USP6NL: variants seen among roughly 807,000 people sequenced by gnomAD.
The protein encoded by USP6NL is USP6 N-terminal-like protein.
A neutral mutation model predicts 61.9 loss-of-function variants in USP6NL; 26 were observed. The ratio of observed to expected loss-of-function variants is 0.42; its 90% CI spans 0.31 to 0.58. The LOEUF (loss-of-function observed/expected upper bound fraction) is 0.58. Among genes scored for constraint, USP6NL ranks in the 20% least tolerant of loss-of-function variants. The pLI, the probability that USP6NL is intolerant of heterozygous loss-of-function variation, is 0.16. For synonymous variants in USP6NL, 432 were observed against 390.1 expected (o/e 1.11, Z -1.27); for missense variants, 1,114 against 1,034.3 (o/e 1.08, Z -1.06).
At position 11,574,857 on chromosome 10, in the gene USP6NL, C is replaced by T. The variant is rs1010931696; in HGVS notation, c.4+22774G>A. Among the ~76,000 whole-genome samples, 2 of 152,128 alleles carry T rather than the reference C, an allele frequency of 1.3e-5. No homozygotes were observed. The highest frequency in any genetic ancestry group is 2.9e-5 in the Non-Finnish European group (2 of 68,014). ...GAATCAACCAAGGTTACAAGTAAAC[C>T]GATCCAAAAATCAGCCTTCTGCTTT... is the stretch of plus-strand genomic sequence containing the variant. On this transcript the variant is annotated intron_variant, in intron 2 of 14. Transcript: ENST00000609104. The surrounding 1 kb of genome is among the most constrained non-coding windows in gnomAD (Gnocchi z 4.3).
chr10:11,463,822 G>T lies in USP6NL; in HGVS notation c.1106C>A (p.Pro369His). The change falls in exon 15 of 15, where the codon CCC becomes CAC. Residue 369 changes from proline (P) to histidine (H), a missense_variant. Transcript: ENST00000609104. The surrounding 1 kb of genome is among the most constrained non-coding windows in gnomAD (Gnocchi z 6.3). ...AAGTTCAGGTGGAAGCTGCCCCAAGGGCTTCTTTGGATATTCATCCTCTTT... is the reference window on the plus strand; with the variant it reads ...AAGTTCAGGTGGAAGCTGCCCCAAGTGCTTCTTTGGATATTCATCCTCTTT... ...PGKEDEYPKKPLGQLPPELQS... is the reference protein window; with the variant it reads ...PGKEDEYPKKHLGQLPPELQS... 6.8e-7 allele frequency: 1 copy of T among 1,469,164 alleles called. No homozygotes were observed. Among genetic ancestry groups the T allele is most frequent in the South Asian group, 1.4e-5 (1 of 69,474 alleles). The allele number at this position is 1,469,164 out of a possible 1,614,324, so 91.0% of individuals were successfully genotyped here.
intron 7 of USP6NL, among the ~76,000 whole-genome samples, chr10:11,494,512 A>G (rs898235504): frequency 6.6e-6 from 1 of 152,184 alleles, no homozygotes; most frequent in Non-Finnish European, 1.5e-5. Flanking sequence ...GACACAAGAC[A>G]AAGAGATAAA....
chr10:11,504,504 T>C (rs1203411448), intron 6 of USP6NL, among the ~76,000 whole-genome samples: 1 of 152,238 alleles, frequency 6.6e-6, no homozygotes, highest in South Asian at 2.1e-4. Flanking sequence ...AAGTTCTACC[T>C]TCTTATTACA....
intron 2 of USP6NL, among the ~76,000 whole-genome samples, chr10:11,531,159 A>G (rs1237366329): frequency 6.6e-6 from 1 of 152,238 alleles, no homozygotes; most frequent in Non-Finnish European, 1.5e-5. Context: ...CATAAATAAA[A>G]GTTTATTTGG....
At chr10:11,536,939 T>C (rs1835857965) in intron 2 of USP6NL, among the ~76,000 whole-genome samples, 1 of 152,208 alleles carries the variant, frequency 6.6e-6, no homozygotes, top group South Asian at 2.1e-4. Flanking sequence ...GCCACAATTA[T>C]AGAACAGTAT....
chr10:11,476,216 A>G lies in USP6NL; in HGVS notation c.1078+5554T>C, dbSNP rs1344853318. Among the ~76,000 whole-genome samples, 1 of 152,216 alleles carries G rather than the reference A, an allele frequency of 6.6e-6. No individual in the cohort carries two copies. The highest frequency in any genetic ancestry group is 1.5e-5 in the Non-Finnish European group (1 of 68,034). On this transcript the variant is annotated intron_variant, in intron 14 of 14. Coordinates refer to ENST00000609104, the MANE Select transcript of USP6NL (RefSeq NM_014688.5). The surrounding 1 kb of genome is among the most constrained non-coding windows in gnomAD (Gnocchi z 4.3). Reference sequence around the variant, plus strand: ...AAGGGACAACTGGAAATCTTCCCACATGGAGCTGGCCTGAGATGATGCTGA... The same window carrying G: ...AAGGGACAACTGGAAATCTTCCCACGTGGAGCTGGCCTGAGATGATGCTGA...
intron 2 of USP6NL, among the ~76,000 whole-genome samples, chr10:11,542,243 A>G (rs978721065): frequency 3.3e-5 from 5 of 152,262 alleles, no homozygotes; most frequent in African/African-American, 1.2e-4. Context: ...AAAGACAGAT[A>G]AAACAGTTCC....
rs1566178235 is a variant in USP6NL, at chr10:11,555,471, A to AGAGAG, written c.5-27905_5-27904insCTCTC. On this transcript the variant is annotated intron_variant, in intron 2 of 14. Transcript: ENST00000609104. Reference sequence around the variant, plus strand: ...ATATATAGAGAGAGAGAGAGAGAGAAAGAGAGAGAGAGAGAGAGAGAGAAG... The same window carrying AGAGAG: ...ATATATAGAGAGAGAGAGAGAGAGAAGAGAGAGAGAGAGAGAGAGAGAGAGAGAAG... 8.4e-4 allele frequency among the ~76,000 whole-genome samples: 52 copies of AGAGAG among 62,148 alleles called. 2 individuals are homozygous for AGAGAG. In the East Asian group the frequency reaches 8.4e-3, roughly 10 times the overall value. The allele number at this position is 62,148 out of a possible 152,430, so 40.8% of individuals were successfully genotyped here.
At chr10:11,471,176 CTT>C (rs1832727679) in intron 14 of USP6NL, among the ~76,000 whole-genome samples, 1 of 151,938 alleles carries the variant, frequency 6.6e-6, no homozygotes, top group Non-Finnish European at 1.5e-5. Context: ...GAGTGAGACT[CTT>C]GTCTCAAAAA....
chr10:11,554,750 GAA>G (rs1020795505), intron 2 of USP6NL, among the ~76,000 whole-genome samples: 1 of 104,460 alleles, frequency 9.6e-6, no homozygotes, highest in African/African-American at 3.5e-5. Context: ...ACAATACCAA[GAA>G]AAAAAAAAAG....
chr10:11,472,053 G>A (rs1832774853), intron 14 of USP6NL, among the ~76,000 whole-genome samples: 1 of 151,464 alleles, frequency 6.6e-6, no homozygotes, highest in Admixed American at 6.6e-5. Context: ...GGATGCTTTT[G>A]TGAAAATACC....
At chr10:11,570,772 G>A (rs1473939465) in intron 2 of USP6NL, among the ~76,000 whole-genome samples, 1 of 152,206 alleles carries the variant, frequency 6.6e-6, no homozygotes, top group Non-Finnish European at 1.5e-5. Flanking sequence ...GCTCGATGGT[G>A]TCTCACCTTG....
At position 11,548,296 on chromosome 10, in the gene USP6NL, A is replaced by C. The variant is rs1836357411; in HGVS notation, c.5-20729T>G. Among the ~76,000 whole-genome samples, 1 of 152,192 alleles carries C rather than the reference A, an allele frequency of 6.6e-6. No individual in the cohort carries two copies. The highest frequency in any genetic ancestry group is 2.4e-5 in the African/African-American group (1 of 41,452). ...GATACCCCGGAAAAGGTTTGGTGGG[A>C]GAACAGCAGCACTATTACCTCCTTT... On this transcript the variant is annotated intron_variant, in intron 2 of 14. Coordinates refer to ENST00000609104, the MANE Select transcript of USP6NL (RefSeq NM_014688.5). The surrounding 1 kb of genome is among the most constrained non-coding windows in gnomAD (Gnocchi z 4.3).
At chr10:11,504,458 C>G (rs1199981982) in intron 6 of USP6NL, among the ~76,000 whole-genome samples, 1 of 152,174 alleles carries the variant, frequency 6.6e-6, no homozygotes, top group Non-Finnish European at 1.5e-5. Context: ...GTAAGTAAAA[C>G]AAGATACAGA....
chr10:11,524,350 C>T (rs1258645274), intron 4 of USP6NL, among the ~76,000 whole-genome samples: 1 of 152,024 alleles, frequency 6.6e-6, no homozygotes, highest in African/African-American at 2.4e-5. Flanking sequence ...TTTTCAAAGC[C>T]TCAAATACAC....
In USP6NL at chr10:11,548,539, T is replaced by TA. The variant is rs1836366339; in HGVS notation, c.5-20973dup. 2.0e-5 allele frequency among the ~76,000 whole-genome samples: 3 copies of TA among 152,326 alleles called. 1 individual carries two copies. In the South Asian group the frequency reaches 6.2e-4, roughly 32 times the overall value. On this transcript the variant is annotated intron_variant, in intron 2 of 14. Transcript: ENST00000609104. This position sits in a 1 kb window ranked among gnomAD's most constrained non-coding sequence, Gnocchi z 4.3. ...TTTGTAAATCTTAATTTCATAACCT[T>TA]ACTTTAGCTATCTCTATCAACTTTG... is the stretch of plus-strand genomic sequence containing the variant.
At chr10:11,609,663 G>A (rs1055956502) in intron 1 of USP6NL, among the ~76,000 whole-genome samples, 19 of 152,130 alleles carry the variant, frequency 1.2e-4, no homozygotes, top group Non-Finnish European at 2.9e-5. Flanking sequence ...ACCCATCTTA[G>A]CTGGCTACAA....
intron 6 of USP6NL, among the ~76,000 whole-genome samples, chr10:11,506,223 C>T (rs957910494): frequency 5.3e-5 from 8 of 152,072 alleles, no homozygotes; most frequent in Non-Finnish European, 1.0e-4. Flanking sequence ...ATTTGACCAA[C>T]AAAAAAATAT....
At chr10:11,529,006 G>A (rs561801917) in intron 2 of USP6NL, among the ~76,000 whole-genome samples, 4 of 152,292 alleles carry the variant, frequency 2.6e-5, no homozygotes, top group Admixed American at 2.0e-4. Context: ...GCGCAATGGA[G>A]GCACACAGGA....
Sources: gnomAD v4.1 joint callset for allele counts (sites outside exome capture counted in the v4.1 genomes callset) on GRCh38, gnomAD v4.1.1 for gene constraint, Gnocchi (gnomAD v3.1) non-coding constraint, MANE v1.5 for transcripts, NCBI Gene and HGNC (gene_info 2026-07-23, HGNC 2026-07-21) for gene names.